SEMA6D: variants seen among roughly 807,000 people sequenced by gnomAD.
SEMA6D encodes the protein semaphorin 6D.
SEMA6D carries 35 observed loss-of-function variants against 106.6 expected under a neutral mutation model. The ratio of observed to expected loss-of-function variants is 0.33; its 90% CI spans 0.25 to 0.44. The LOEUF (loss-of-function observed/expected upper bound fraction) is 0.44. Ranked by LOEUF, SEMA6D falls within the 20% of genes least tolerant of loss-of-function variation. The pLI is 1.00. For missense variants in SEMA6D, 1,185 were observed against 1,345.9 expected, an observed-to-expected ratio of 0.88 and a Z score of 1.87; for synonymous variants, 499 against 487.7, an observed-to-expected ratio of 1.02 and a Z score of -0.31.
At chr15:47,668,195 T>C (rs968227560) in intron 4 of SEMA6D, among the ~76,000 whole-genome samples, 1 of 152,218 alleles carries the variant, frequency 6.6e-6, no homozygotes, top group Non-Finnish European at 1.5e-5. Context: ...CTCTTTCATG[T>C]ACCTGGTGGC....
intron 2 of SEMA6D, among the ~76,000 whole-genome samples, chr15:47,413,636 A>T (rs2140318356): frequency 6.6e-6 from 1 of 152,050 alleles, no homozygotes; most frequent in East Asian, 1.9e-4. Flanking sequence ...GGCAAACACC[A>T]CTATGCCTTC....
intron 1 of SEMA6D, among the ~76,000 whole-genome samples, chr15:47,744,117 A>T (rs974639141): frequency 1.3e-5 from 2 of 152,224 alleles, no homozygotes; most frequent in African/African-American, 4.8e-5. Flanking sequence ...AAAGTAGAGA[A>T]CAGACAGACA....
At chr15:47,254,072 G>T in intron 1 of SEMA6D, among the ~76,000 whole-genome samples, 1 of 150,902 alleles carries the variant, frequency 6.6e-6, no homozygotes. Flanking sequence ...TTTCACCTCC[G>T]TGGTTAAATT....
At chr15:47,667,425 G>C (rs894049213) in intron 4 of SEMA6D, among the ~76,000 whole-genome samples, 1 of 152,154 alleles carries the variant, frequency 6.6e-6, no homozygotes, top group African/African-American at 2.4e-5. Flanking sequence ...GAGGGCAGCC[G>C]ACTTGGGCTG....
intron 1 of SEMA6D, among the ~76,000 whole-genome samples, chr15:47,282,989 T>C (rs1449172361): frequency 6.6e-6 from 1 of 152,158 alleles, no homozygotes; most frequent in East Asian, 1.9e-4. Flanking sequence ...CTATCTTCCC[T>C]GTTTTTTCAC....
intron 4 of SEMA6D, among the ~76,000 whole-genome samples, chr15:47,620,310 G>A (rs1160674640): frequency 2.0e-5 from 3 of 152,174 alleles, no homozygotes; most frequent in Non-Finnish European, 2.9e-5. Context: ...TGCCAAGCAG[G>A]GAGAGTCCCT....
intron 1 of SEMA6D, among the ~76,000 whole-genome samples, chr15:47,386,857 T>C (rs1431740992): frequency 1.3e-5 from 2 of 152,242 alleles, no homozygotes; most frequent in Non-Finnish European, 2.9e-5. Flanking sequence ...CCAGTTGGGC[T>C]TAGACACAGA....
intron 3 of SEMA6D, among the ~76,000 whole-genome samples, chr15:47,548,335 T>C (rs2045583809): frequency 6.6e-6 from 1 of 152,192 alleles, no homozygotes; most frequent in Non-Finnish European, 1.5e-5. Flanking sequence ...GGTTGTTACA[T>C]GTTTTTATTA....
chr15:47,722,030 ACACCCAGAACGGGAAGTTT>A (rs2079451830), intron 1 of SEMA6D, among the ~76,000 whole-genome samples: 1 of 152,144 alleles, frequency 6.6e-6, no homozygotes, highest in African/African-American at 2.4e-5. Flanking sequence ...ACTAAAGTTA[ACACCCAGAACGGGAAGTTT>A]CCATTGTTTG....
intron 3 of SEMA6D, among the ~76,000 whole-genome samples, chr15:47,597,099 AT>A (rs527364910): frequency 2.0e-3 from 304 of 152,202 alleles, no homozygotes; most frequent in African/African-American, 7.1e-3. Flanking sequence ...AAATAACTCA[AT>A]TTTAAAAAGG....
At position 47,770,757 on chromosome 15, in the gene SEMA6D, A is replaced by G. The variant is rs1243206560; in HGVS notation, c.2194A>G (p.Ile732Val). The change falls in exon 19 of 19, where the codon ATT (isoleucine) becomes GTT (valine). Residue 732 changes from isoleucine (I) to valine (V), a missense_variant. Coordinates refer to ENST00000536845, the MANE Select transcript of SEMA6D (RefSeq NM_001358351.3). ...DSPVKEYQQNIDSPKLYSNLL... is the reference protein window; with the variant it reads ...DSPVKEYQQNVDSPKLYSNLL... ...CCCTGTCAAGGAATACCAACAGAAT[A>G]TTGATTCTCCTAAACTGTATAGTAA... is the stretch of plus-strand genomic sequence containing the variant. 1 of 1,614,114 alleles carries G rather than the reference A, an allele frequency of 6.2e-7. No homozygotes were observed. The highest frequency in any genetic ancestry group is 8.5e-7 in the Non-Finnish European group (1 of 1,179,998).
intron 1 of SEMA6D, chr15:47,399,588 C>T (rs1351845374): frequency 6.6e-6 from 1 of 152,206 alleles, no homozygotes; most frequent in Admixed American, 6.5e-5. Flanking sequence ...ATATGACCTT[C>T]CACAATTATT....
chr15:47,727,034 C>A (rs1054291623), intron 1 of SEMA6D, among the ~76,000 whole-genome samples: 1 of 152,120 alleles, frequency 6.6e-6, no homozygotes, highest in Non-Finnish European at 1.5e-5. Flanking sequence ...TTCCTAACCC[C>A]GATGTCAGCT....
rs564735371 is a variant in SEMA6D at position 47,438,670 on chromosome 15, C to G, written c.-159+26198C>G. The stretch of plus-strand genomic sequence containing the variant: ...CACAGATGGCTAGCTCCCTCATCTC[C>G]TATAGGTTTGCTCAGATATCACCCT... On this transcript the variant is annotated intron_variant, in intron 2 of 19. Coordinates refer to the SEMA6D transcript ENST00000558014. 7.2e-5 allele frequency among the ~76,000 whole-genome samples: 11 copies of G among 151,970 alleles called. No individual in the cohort carries two copies. In the East Asian group the frequency reaches 2.2e-3, roughly 30 times the overall value.
At position 47,764,376 on chromosome 15, in the gene SEMA6D, G is replaced by A. The variant is rs114679143; in HGVS notation, c.1097+71G>A. 6 of 1,548,302 alleles carry A rather than the reference G, an allele frequency of 3.9e-6. No individual in the cohort carries two copies. The African/African-American group carries it at 6.9e-5, about 18-fold the overall frequency. ...CGGTCATTGGAAGCATCCCTCCTCA[G>A]GGAGCAGCTTGGCCAACCTCCCACA... On this transcript the variant is annotated intron_variant, in intron 11 of 18. Coordinates refer to ENST00000536845, the MANE Select transcript of SEMA6D (RefSeq NM_001358351.3).
chr15:47,343,983 G>A (rs1343401201), intron 1 of SEMA6D, among the ~76,000 whole-genome samples: 1 of 152,146 alleles, frequency 6.6e-6, no homozygotes, highest in Non-Finnish European at 1.5e-5. Context: ...ATGAAAAAAT[G>A]CACATCATCA....
chr15:47,315,605 T>G (rs1037392452), intron 1 of SEMA6D, among the ~76,000 whole-genome samples: 3 of 152,198 alleles, frequency 2.0e-5, no homozygotes, highest in Non-Finnish European at 2.9e-5. Context: ...CATATAAACT[T>G]TATAATTAGT....
chr15:47,306,234 C>T (rs1437735883), intron 1 of SEMA6D, among the ~76,000 whole-genome samples: 3 of 151,974 alleles, frequency 2.0e-5, no homozygotes, highest in East Asian at 3.9e-4. Context: ...CTGCCCACCT[C>T]GGCCTCCCAA....
intron 1 of SEMA6D, among the ~76,000 whole-genome samples, chr15:47,349,966 G>T (rs1323712277): frequency 6.6e-6 from 1 of 152,138 alleles, no homozygotes; most frequent in Non-Finnish European, 1.5e-5. Context: ...TCTCTTGTTG[G>T]AGAATGACCT....
Sources: allele counts gnomAD v4.1 joint callset (sites outside exome capture counted in the v4.1 genomes callset), GRCh38; gene constraint gnomAD v4.1.1; transcripts MANE v1.5; gene names NCBI Gene and HGNC (gene_info 2026-07-23, HGNC 2026-07-21).